Variants in NXPE2 observed in about 807,000 individuals in gnomAD.
NXPE2 encodes the protein neurexophilin and PC-esterase domain family member 2.
Under a neutral mutation model 34.4 loss-of-function variants are expected in NXPE2, and 34 were observed. That is an observed-to-expected ratio of 0.99 (90% CI 0.75 to 1.31). The LOEUF is 1.31. Ranked by LOEUF, NXPE2 falls within the 40% of genes most tolerant of loss-of-function variation. The pLI, the probability that NXPE2 is intolerant of heterozygous loss-of-function variation, is 0.00. For synonymous variants in NXPE2, 235 were observed against 231.3 expected (o/e 1.02, Z -0.15); for missense variants, 649 against 672.5 (o/e 0.97, Z 0.39).
chr11:114,765,532 A>G, the NXPE2 span, among the ~76,000 whole-genome samples: 1 of 152,020 alleles, frequency 6.6e-6, no homozygotes, highest in Non-Finnish European at 1.5e-5. Flanking sequence ...AAAAAGTGTA[A>G]GTTGCTTTAT....
the NXPE2 span, among the ~76,000 whole-genome samples, chr11:114,632,931 A>G: frequency 4.2e-5 from 4 of 95,554 alleles, no homozygotes; most frequent in Non-Finnish European, 7.3e-5. Flanking sequence ...ATAATTATAT[A>G]ATAATATATA....
the NXPE2 span, among the ~76,000 whole-genome samples, chr11:114,598,082 T>C: frequency 6.6e-6 from 1 of 152,006 alleles, no homozygotes; most frequent in African/African-American, 2.4e-5. Flanking sequence ...ATTGGGTAAA[T>C]GTAAAAAAAT....
chr11:114,649,776 A>G, the NXPE2 span, among the ~76,000 whole-genome samples: 2 of 152,214 alleles, frequency 1.3e-5, no homozygotes, highest in African/African-American at 4.8e-5. Flanking sequence ...AATAGCCTCC[A>G]GAATAGACTT....
chr11:114,521,502 C>T, the NXPE2 span: 1 of 153,840 alleles, frequency 6.5e-6, no homozygotes, highest in African/African-American at 2.4e-5. Flanking sequence ...TTTTCTGTTC[C>T]AGTCCTGGAA....
At chr11:114,528,410 G>A in the NXPE2 span, among the ~76,000 whole-genome samples, 5 of 152,088 alleles carry the variant, frequency 3.3e-5, no homozygotes, top group Non-Finnish European at 5.9e-5. Flanking sequence ...GCCTTTTTGG[G>A]TGGCAGGTAG....
the NXPE2 span, among the ~76,000 whole-genome samples, chr11:114,645,939 G>C: frequency 1.3e-5 from 2 of 151,990 alleles, no homozygotes; most frequent in African/African-American, 4.8e-5. Flanking sequence ...AGAAAATTTT[G>C]GCAACATCTA....
the NXPE2 span, among the ~76,000 whole-genome samples, chr11:114,572,367 G>A: frequency 6.6e-6 from 1 of 152,066 alleles, no homozygotes; most frequent in Non-Finnish European, 1.5e-5. Context: ...AAACCAAGAA[G>A]AAATCTCTGA....
At chr11:114,803,818 T>C in the NXPE2 span, among the ~76,000 whole-genome samples, 1 of 152,060 alleles carries the variant, frequency 6.6e-6, no homozygotes, top group African/African-American at 2.4e-5. Flanking sequence ...GACCTCGTGA[T>C]CCGCCCACCT....
the NXPE2 span, among the ~76,000 whole-genome samples, chr11:114,770,632 A>G: frequency 1.3e-5 from 2 of 152,250 alleles, no homozygotes; most frequent in African/African-American, 2.4e-5. Context: ...CCATGTCTCC[A>G]TACAAATTAT....
the NXPE2 span, among the ~76,000 whole-genome samples, chr11:114,481,084 T>C: frequency 0.13 from 19,818 of 152,170 alleles, 1,808 homozygotes; most frequent in African/African-American, 0.24. Context: ...CCTTGTGCTG[T>C]TGTGTCCACA....
chr11:114,763,545 C>A, the NXPE2 span, among the ~76,000 whole-genome samples: 1 of 152,196 alleles, frequency 6.6e-6, no homozygotes, highest in Admixed American at 6.5e-5. Context: ...AAGGGATCAA[C>A]TGAAATAAAT....
At chr11:114,625,816 G>A in the NXPE2 span, among the ~76,000 whole-genome samples, 3 of 152,100 alleles carry the variant, frequency 2.0e-5, no homozygotes, top group Non-Finnish European at 4.4e-5. Context: ...CAGTGGGTGA[G>A]CACACCACGT....
the NXPE2 span, among the ~76,000 whole-genome samples, chr11:114,658,222 C>G: frequency 3.3e-4 from 50 of 152,288 alleles, no homozygotes; most frequent in East Asian, 5.0e-3. Context: ...GCAGAAAGAA[C>G]ACAAATACTG....
At chr11:114,744,073 A>G in the NXPE2 span, among the ~76,000 whole-genome samples, 1 of 152,000 alleles carries the variant, frequency 6.6e-6, no homozygotes, top group Admixed American at 6.6e-5. Context: ...TCAATCCCAT[A>G]TACACGAGCT....
the NXPE2 span, among the ~76,000 whole-genome samples, chr11:114,773,207 C>A: frequency 2.0e-5 from 3 of 151,656 alleles, no homozygotes; most frequent in Admixed American, 2.0e-4. Flanking sequence ...ATCCTAGGCT[C>A]CTTCAATGGA....
chr11:114,468,884 T>C, the NXPE2 span, among the ~76,000 whole-genome samples: 2 of 152,200 alleles, frequency 1.3e-5, no homozygotes, highest in South Asian at 4.1e-4. Flanking sequence ...AAGGGAAATA[T>C]GCATGTTCGA....
At chr11:114,535,769 T>C in the NXPE2 span, among the ~76,000 whole-genome samples, 2 of 152,064 alleles carry the variant, frequency 1.3e-5, no homozygotes, top group South Asian at 2.1e-4. Context: ...CAGGAGCACC[T>C]AGATTCATAA....
the NXPE2 span, among the ~76,000 whole-genome samples, chr11:114,542,469 A>G: frequency 2.6e-5 from 4 of 152,320 alleles, no homozygotes; most frequent in African/African-American, 9.6e-5. Flanking sequence ...TTATTTACAG[A>G]AATAAGTCTA....
chr11:114,601,839 TA>T, the NXPE2 span, among the ~76,000 whole-genome samples: 1 of 63,850 alleles, frequency 1.6e-5, no homozygotes, highest in Non-Finnish European at 2.5e-5. Flanking sequence ...TAATTATATA[TA>T]TAATATAAAA....
Sources: gnomAD v4.1 joint callset for allele counts (sites outside exome capture counted in the v4.1 genomes callset) on GRCh38, gnomAD v4.1.1 for gene constraint, MANE v1.5 for transcripts, NCBI Gene and HGNC (gene_info 2026-07-23, HGNC 2026-07-21) for gene names.